ITGB8: variants seen among roughly 807,000 people sequenced by gnomAD.
ITGB8 encodes the protein integrin subunit beta 8.
A neutral mutation model predicts 89.5 loss-of-function variants in ITGB8; 30 were observed. That is an observed-to-expected ratio of 0.34 (90% CI 0.25 to 0.45). The LOEUF (loss-of-function observed/expected upper bound fraction) is 0.45, where lower values mean the gene tolerates loss of function less well. Among genes scored for constraint, ITGB8 ranks in the 20% least tolerant of loss-of-function variants. The pLI is 1.00. For missense variants in ITGB8, 836 were observed against 933.3 expected (o/e 0.90, Z 1.36); for synonymous variants, 335 against 320.4 (o/e 1.05, Z -0.49).
In ITGB8 at chr7:20,401,852, T is replaced by G; in HGVS notation, c.1413T>G (p.Cys471Trp). The G allele has an allele frequency of 1.2e-6, 2 of 1,614,038 alleles. No homozygotes were observed. Among genetic ancestry groups the G allele is most frequent in the Non-Finnish European group, 8.5e-7 (1 of 1,180,004 alleles). ...TACACAGAAACTGCAGCTGTCAGTG[T>G]GAGGACAACAGAGGACCTAAAGGAA... Reference protein sequence around the residue: ...IHIHRNCSCQCEDNRGPKGKC... With the variant: ...IHIHRNCSCQWEDNRGPKGKC... The change falls in exon 10 of 14, where the codon TGT becomes TGG. Residue 471 changes from cysteine (C) to tryptophan (W), a missense_variant. Transcript: ENST00000222573.
chr7:20,381,484 T>C (rs1449401070), intron 5 of ITGB8: 1 of 373,278 alleles, frequency 2.7e-6, no homozygotes, highest in Non-Finnish European at 4.8e-6. Flanking sequence ...TAATCTATAT[T>C]GTTCTTCCTC....
At chr7:20,376,180 G>C (rs574138077) in intron 3 of ITGB8, among the ~76,000 whole-genome samples, 32 of 152,234 alleles carry the variant, frequency 2.1e-4, no homozygotes, top group African/African-American at 7.5e-4. Flanking sequence ...GGTCTATCAG[G>C]ACATTTCTGC....
At chr7:20,359,010 G>A (rs1217195733) in intron 1 of ITGB8, among the ~76,000 whole-genome samples, 2 of 152,196 alleles carry the variant, frequency 1.3e-5, no homozygotes, top group Non-Finnish European at 2.9e-5. Context: ...ATGACCTCCA[G>A]CTACATCCAC....
chr7:20,396,765 T>C (rs1345758051), intron 8 of ITGB8, among the ~76,000 whole-genome samples: 1 of 152,176 alleles, frequency 6.6e-6, no homozygotes, highest in Non-Finnish European at 1.5e-5. Flanking sequence ...CCAAAAAAAG[T>C]ATATAAATTT....
chr7:20,407,664 G>T (rs942037776), intron 12 of ITGB8, among the ~76,000 whole-genome samples: 4 of 152,168 alleles, frequency 2.6e-5, no homozygotes, highest in Non-Finnish European at 4.4e-5. Flanking sequence ...AGCTGGAGCT[G>T]CGGCAATCAC....
Position 20,381,586 on chromosome 7 carries a change from T to G in ITGB8, c.802-141T>G, listed in dbSNP as rs1484939478. 5.2e-6 allele frequency: 3 copies of G among 573,542 alleles called. No homozygotes were observed. In the Admixed American group the frequency reaches 9.8e-5, roughly 19 times the overall value. 35.5% of individuals were successfully genotyped at this position (573,542 alleles called of 1,614,324 possible). ...TGTACAAATAAAAGTTAAAGCTATT[T>G]ACGCAGCAGCGTTGTACCCACGCAC... On this transcript the variant is annotated intron_variant, in intron 5 of 13. Coordinates refer to ENST00000222573, the MANE Select transcript of ITGB8 (RefSeq NM_002214.3).
chr7:20,390,080 CT>C (rs1242739267), intron 6 of ITGB8, among the ~76,000 whole-genome samples: 3 of 152,078 alleles, frequency 2.0e-5, no homozygotes, highest in Non-Finnish European at 4.4e-5. Flanking sequence ...TAGTCTAGCC[CT>C]TTTACCAAGT....
chr7:20,395,003 A>G lies in ITGB8; in HGVS notation c.1146+18A>G. 1 of 1,467,566 alleles carries G rather than the reference A, an allele frequency of 6.8e-7. No individual in the cohort carries two copies. Among genetic ancestry groups the G allele is most frequent in the South Asian group, 1.2e-5 (1 of 85,720 alleles). 90.9% of individuals were successfully genotyped at this position (1,467,566 alleles called of 1,614,324 possible). Reference sequence around the variant, plus strand: ...CCTATCAGGTATGTATATATTAGATACAATTTTTTAAATAAAATTTTTACC... The same window carrying G: ...CCTATCAGGTATGTATATATTAGATGCAATTTTTTAAATAAAATTTTTACC... On this transcript the variant is annotated intron_variant, in intron 8 of 13. Transcript: ENST00000222573.
At chr7:20,384,936 A>AT (rs1319666074) in intron 6 of ITGB8, among the ~76,000 whole-genome samples, 1 of 152,126 alleles carries the variant, frequency 6.6e-6, no homozygotes, top group East Asian at 1.9e-4. Flanking sequence ...CCAGAATAAA[A>AT]AACTGTAGCA....
rs562104201 is a variant in ITGB8, at chr7:20,415,352, C to T, written c.*5355C>T. ...ATTTTGTTTCACCTAACGAATACTG[C>T]GTTTGTAAAAATAAATTTAATATAG... On this transcript the variant is annotated 3_prime_UTR_variant, in exon 14 of 14. Coordinates refer to ENST00000222573, the MANE Select transcript of ITGB8 (RefSeq NM_002214.3). 12 of 151,434 alleles carry T rather than the reference C, an allele frequency of 7.9e-5. No individual in the cohort carries two copies. The East Asian group carries it at 1.7e-3, about 22-fold the overall frequency. 9.4% of individuals were successfully genotyped at this position (151,434 alleles called of 1,614,324 possible).
rs1787854903 is a variant in ITGB8 at position 20,414,053 on chromosome 7, T to C, written c.*4056T>C. On this transcript the variant is annotated 3_prime_UTR_variant, in exon 14 of 14. Transcript: ENST00000222573. ...TTTCATTGATTCCAAGACATCACTT[T>C]TTCAATTTAACATCTCTGAAATTGT... 1 of 152,146 alleles carries C rather than the reference T, an allele frequency of 6.6e-6. No individual in the cohort carries two copies. The highest frequency in any genetic ancestry group is 2.4e-5 in the African/African-American group (1 of 41,456). 9.4% of individuals were successfully genotyped at this position (152,146 alleles called of 1,614,324 possible). A position where few individuals can be genotyped will look rare whatever the true frequency, so the allele number is the denominator to read the frequency against.
At chr7:20,332,361 A>G (rs1439062154) in intron 1 of ITGB8, among the ~76,000 whole-genome samples, 2 of 152,172 alleles carry the variant, frequency 1.3e-5, no homozygotes, top group Non-Finnish European at 2.9e-5. Context: ...AGTTGGTTAT[A>G]ATGGGAGTAG....
At chr7:20,394,164 T>C (rs1024069365) in intron 7 of ITGB8, among the ~76,000 whole-genome samples, 3 of 152,250 alleles carry the variant, frequency 2.0e-5, no homozygotes, top group African/African-American at 4.8e-5. Flanking sequence ...TTAAGGATAT[T>C]TGTGAATAGG....
chr7:20,351,600 G>C (rs1353550814), intron 1 of ITGB8, among the ~76,000 whole-genome samples: 2 of 152,196 alleles, frequency 1.3e-5, no homozygotes, highest in South Asian at 4.1e-4. Flanking sequence ...AGAGTCAAAA[G>C]ATATTAAATA....
At chr7:20,387,320 C>T (rs1786665415) in intron 6 of ITGB8, among the ~76,000 whole-genome samples, 1 of 152,186 alleles carries the variant, frequency 6.6e-6, no homozygotes, top group Non-Finnish European at 1.5e-5. Flanking sequence ...TTGACATGAA[C>T]CGCTACTCAT....
At chr7:20,354,802 T>C (rs571105785) in intron 1 of ITGB8, among the ~76,000 whole-genome samples, 1 of 152,320 alleles carries the variant, frequency 6.6e-6, no homozygotes, top group East Asian at 1.9e-4. Context: ...ATTTAAATCA[T>C]CATCGTTAGT....
intron 1 of ITGB8, among the ~76,000 whole-genome samples, chr7:20,344,550 T>C (rs1784860730): frequency 6.6e-6 from 1 of 152,216 alleles, no homozygotes; most frequent in South Asian, 2.1e-4. Flanking sequence ...CAGTATTAAT[T>C]TACTAAATGA....
Position 20,330,913 on chromosome 7 carries a change from A to C in ITGB8, c.-894A>C, listed in dbSNP as rs2128122099. ...CGTGTGCACCCCAGAGCGCGCCAGC[A>C]ACTCGGGCTCTGGACTGCGGGACGC... On this transcript the variant is annotated 5_prime_UTR_variant, in exon 1 of 14. Coordinates refer to ENST00000222573, the MANE Select transcript of ITGB8 (RefSeq NM_002214.3). 6.6e-6 allele frequency: 1 copy of C among 152,556 alleles called. No individual in the cohort carries two copies. Among genetic ancestry groups the C allele is most frequent in the South Asian group, 2.1e-4 (1 of 4,842 alleles). The allele number at this position is 152,556 out of a possible 1,614,324, so 9.5% of individuals were successfully genotyped here.
chr7:20,402,960 T>A (rs1787374654), intron 10 of ITGB8, among the ~76,000 whole-genome samples: 2 of 152,224 alleles, frequency 1.3e-5, no homozygotes, highest in South Asian at 4.1e-4. Flanking sequence ...ATTTACTCAT[T>A]GAGAAAAACA....
Sources: allele counts gnomAD v4.1 joint callset (sites outside exome capture counted in the v4.1 genomes callset), GRCh38; gene constraint gnomAD v4.1.1; transcripts MANE v1.5; gene names NCBI Gene and HGNC (gene_info 2026-07-23, HGNC 2026-07-21).